The following ZBTB20 variants were observed in gnomAD, a reference collection of about 807,000 sequenced individuals.
The protein encoded by ZBTB20 is zinc finger and BTB domain containing 20.
Under a neutral mutation model 56.9 loss-of-function variants are expected in ZBTB20, and 9 were observed. That is an observed-to-expected ratio of 0.16 (90% CI 0.10 to 0.28). The LOEUF is 0.28. Among genes scored for constraint, ZBTB20 ranks in the 10% least tolerant of loss-of-function variants. The probability of loss-of-function intolerance (pLI) is 1.00; values close to 1 mark genes in which losing one functional copy is unlikely to be tolerated. For synonymous variants in ZBTB20, 417 were observed against 420.7 expected, an observed-to-expected ratio of 0.99 and a Z score of 0.11; for missense variants, 655 against 1,003.0, an observed-to-expected ratio of 0.65 and a Z score of 4.69.
At chr3:114,864,828 C>G (rs2075695258) in intron 4 of ZBTB20, among the ~76,000 whole-genome samples, 1 of 152,086 alleles carries the variant, frequency 6.6e-6, no homozygotes, top group African/African-American at 2.4e-5. Flanking sequence ...TTTCTCCAAC[C>G]ACTTGAGGCA....
At chr3:114,486,139 G>GTGTGT (rs1577037951) in intron 7 of ZBTB20, among the ~76,000 whole-genome samples, 4 of 34,382 alleles carry the variant, frequency 1.2e-4, no homozygotes, top group Middle Eastern at 0.019. Context: ...TGTGTGTGTG[G>GTGTGT]GGGGGGGGGG....
intron 6 of ZBTB20, among the ~76,000 whole-genome samples, chr3:114,539,104 G>A (rs1003353613): frequency 6.6e-5 from 10 of 151,978 alleles, no homozygotes; most frequent in Admixed American, 5.9e-4. Flanking sequence ...TTTTCATCCT[G>A]TCATCTTTAG....
chr3:114,846,154 G>A (rs745557322), intron 4 of ZBTB20, among the ~76,000 whole-genome samples: 1 of 152,134 alleles, frequency 6.6e-6, no homozygotes, highest in Non-Finnish European at 1.5e-5. Context: ...CCTATATAAT[G>A]TGTGTGTCTG....
chr3:114,817,921 CA>C (rs372022130), intron 4 of ZBTB20, among the ~76,000 whole-genome samples: 5 of 151,802 alleles, frequency 3.3e-5, no homozygotes, highest in African/African-American at 1.2e-4. Context: ...AAATTAATAC[CA>C]AAAAAACCCT....
chr3:115,073,853 CATTA>C (rs1464623791), intron 1 of ZBTB20, among the ~76,000 whole-genome samples: 1 of 151,766 alleles, frequency 6.6e-6, no homozygotes, highest in South Asian at 2.1e-4. Context: ...AAATCCCTAC[CATTA>C]ATTACTACTT....
Position 114,883,918 on chromosome 3 carries a change from T to C in ZBTB20, c.-417+16386A>G, listed in dbSNP as rs1415395926. On this transcript the variant is annotated intron_variant, in intron 4 of 11. Transcript: ENST00000675478. ...ATAACTGGTAAGAATGGTGTGTTCT[T>C]TTTTTTTTTTTTTTTTTTTTTTTTT... is the stretch of plus-strand genomic sequence containing the variant. Among the ~76,000 whole-genome samples the C allele has an allele frequency of 2.1e-4, 11 of 52,670 alleles. 3 individuals carry two copies. Among genetic ancestry groups the C allele is most frequent in the East Asian group, 3.0e-3 (2 of 668 alleles). The allele number at this position is 52,670 out of a possible 152,430, so 34.6% of individuals were successfully genotyped here.
At chr3:114,768,844 C>T (rs1480120871) in intron 5 of ZBTB20, among the ~76,000 whole-genome samples, 5 of 152,096 alleles carry the variant, frequency 3.3e-5, no homozygotes, top group African/African-American at 1.2e-4. Context: ...TGTGGTAGAG[C>T]AAAGGCTAGA....
chr3:114,990,900 T>A (rs1451797577), intron 2 of ZBTB20, among the ~76,000 whole-genome samples: 1 of 152,200 alleles, frequency 6.6e-6, no homozygotes, highest in Non-Finnish European at 1.5e-5. Flanking sequence ...CATAGAGGTG[T>A]TTATAGTATT....
intron 7 of ZBTB20, among the ~76,000 whole-genome samples, chr3:114,409,900 AC>A (rs2087761776): frequency 2.6e-5 from 4 of 152,132 alleles, no homozygotes; most frequent in Admixed American, 2.6e-4. Flanking sequence ...AGAAAATAGG[AC>A]TTTTATATAG....
At position 114,578,260 on chromosome 3, in the gene ZBTB20, G is replaced by C. The variant is rs181820968; in HGVS notation, c.-294-77869C>G. 4.0e-3 allele frequency among the ~76,000 whole-genome samples: 602 copies of C among 151,978 alleles called. 3 individuals are homozygous for C. The highest frequency in any genetic ancestry group is 6.3e-3 in the Admixed American group (96 of 15,270). On this transcript the variant is annotated intron_variant, in intron 6 of 11. Coordinates refer to ENST00000675478, the MANE Select transcript of ZBTB20 (RefSeq NM_001348800.3). ...AAGGTAATGTTAAGGAATTCACTCA[G>C]AAAAAAATTGTAGCAAGAAGAATTA...
At chr3:114,845,256 G>A (rs1450391766) in intron 4 of ZBTB20, among the ~76,000 whole-genome samples, 1 of 150,534 alleles carries the variant, frequency 6.6e-6, no homozygotes, top group African/African-American at 2.5e-5. Context: ...TTCAAATAGT[G>A]AAAGCAAAAT....
intron 5 of ZBTB20, among the ~76,000 whole-genome samples, chr3:114,723,142 C>T (rs886528384): frequency 6.6e-6 from 1 of 151,942 alleles, no homozygotes; most frequent in Non-Finnish European, 1.5e-5. Context: ...AGGTTATACC[C>T]TTCCCTTTTA....
chr3:114,753,523 C>T lies in ZBTB20; in HGVS notation c.-343+47578G>A, dbSNP rs192732327. ...GATCTCAGCTCACTGCAACCTCCGC[C>T]TCCCGAGTTCAAGCGATTCTCCTGC... On this transcript the variant is annotated intron_variant, in intron 5 of 11. Coordinates refer to ENST00000675478, the MANE Select transcript of ZBTB20 (RefSeq NM_001348800.3). Among the ~76,000 whole-genome samples, 686 of 151,248 alleles carry T rather than the reference C, an allele frequency of 4.5e-3. 3 individuals carry two copies. Among genetic ancestry groups the T allele is most frequent in the African/African-American group, 0.016 (648 of 41,188 alleles).
chr3:114,683,680 G>T (rs182548405), intron 6 of ZBTB20, among the ~76,000 whole-genome samples: 1 of 152,122 alleles, frequency 6.6e-6, no homozygotes, highest in East Asian at 1.9e-4. Flanking sequence ...AGTTTCCCCA[G>T]GGCATTAAGC....
At chr3:114,373,147 C>T (rs1181885949) in intron 10 of ZBTB20, among the ~76,000 whole-genome samples, 2 of 152,180 alleles carry the variant, frequency 1.3e-5, no homozygotes, top group African/African-American at 4.8e-5. Context: ...ATCTCTTGAC[C>T]TCATGATCTG....
At chr3:115,078,038 C>T (rs1202526707) in intron 1 of ZBTB20, among the ~76,000 whole-genome samples, 1 of 152,122 alleles carries the variant, frequency 6.6e-6, no homozygotes, top group Non-Finnish European at 1.5e-5. Context: ...GAAACCCAGG[C>T]TAAATAACTT....
At chr3:114,701,227 T>C (rs566032169) in intron 5 of ZBTB20, among the ~76,000 whole-genome samples, 8 of 152,232 alleles carry the variant, frequency 5.3e-5, no homozygotes, top group Non-Finnish European at 2.9e-5. Context: ...CTCCCACTTC[T>C]GTTTGTTAAC....
intron 3 of ZBTB20, among the ~76,000 whole-genome samples, chr3:114,925,661 G>T (rs1012538619): frequency 2.0e-5 from 3 of 151,846 alleles, no homozygotes; most frequent in African/African-American, 7.3e-5. Flanking sequence ...CGAGCAGCTG[G>T]GACTACAGGC....
intron 6 of ZBTB20, among the ~76,000 whole-genome samples, chr3:114,548,051 A>G (rs1307191329): frequency 6.6e-6 from 1 of 152,224 alleles, no homozygotes; most frequent in African/African-American, 2.4e-5. Context: ...GCCAGTGAAT[A>G]AGATGGCTTT....
Sources: gnomAD v4.1 joint callset for allele counts (sites outside exome capture counted in the v4.1 genomes callset) on GRCh38, gnomAD v4.1.1 for gene constraint, MANE v1.5 for transcripts, NCBI Gene and HGNC (gene_info 2026-07-23, HGNC 2026-07-21) for gene names.